The following SDK1 variants were observed in gnomAD, a reference collection of about 807,000 sequenced individuals.
SDK1 encodes the protein protein sidekick-1.
SDK1 carries 157 observed loss-of-function variants against 245.5 expected under a neutral mutation model. That is an observed-to-expected ratio of 0.64 (90% CI 0.56 to 0.73). The LOEUF (loss-of-function observed/expected upper bound fraction) is 0.73, where lower values mean the gene tolerates loss of function less well. Ranked by LOEUF, SDK1 falls within the 30% of genes least tolerant of loss-of-function variation. SDK1 has a pLI of 0.00. For synonymous variants in SDK1, 1,647 were observed against 1,278.5 expected, an observed-to-expected ratio of 1.29 and a Z score of -6.15; for missense variants, 3,583 against 3,002.3, an observed-to-expected ratio of 1.19 and a Z score of -4.52.
chr7:3,372,858 A>C (rs1193030227), intron 1 of SDK1, among the ~76,000 whole-genome samples: 1 of 152,206 alleles, frequency 6.6e-6, no homozygotes. Context: ...AGTTACCTAA[A>C]TTCTCACATT....
At chr7:4,060,098 G>C (rs1357399009) in intron 19 of SDK1, among the ~76,000 whole-genome samples, 2 of 151,998 alleles carry the variant, frequency 1.3e-5, no homozygotes, top group Admixed American at 1.3e-4. Context: ...AGCCAGGATG[G>C]TCTCGATCTC....
At chr7:3,394,598 G>A (rs1781844837) in intron 1 of SDK1, among the ~76,000 whole-genome samples, 1 of 149,312 alleles carries the variant, frequency 6.7e-6, no homozygotes, top group East Asian at 1.9e-4. Flanking sequence ...TGAATGTATA[G>A]ATCAATTTGG....
intron 1 of SDK1, chr7:3,338,105 A>G (rs1238343235): frequency 5.2e-6 from 1 of 192,748 alleles, no homozygotes; most frequent in Non-Finnish European, 1.1e-5. Flanking sequence ...GGAACCAACC[A>G]TCTTCTGTTA....
chr7:4,146,361 C>G (rs1377384729), intron 29 of SDK1, among the ~76,000 whole-genome samples: 1 of 150,476 alleles, frequency 6.6e-6, no homozygotes, highest in Non-Finnish European at 1.5e-5. Flanking sequence ...GCATTCACAC[C>G]TTCTGCCTCA....
intron 1 of SDK1, among the ~76,000 whole-genome samples, chr7:3,576,285 G>A (rs1468750122): frequency 6.6e-6 from 1 of 152,130 alleles, no homozygotes; most frequent in Non-Finnish European, 1.5e-5. Flanking sequence ...TTTACGGAGT[G>A]CTGACAGTGG....
chr7:4,163,391 T>C (rs1268113279), intron 32 of SDK1, among the ~76,000 whole-genome samples: 1 of 152,252 alleles, frequency 6.6e-6, no homozygotes, highest in African/African-American at 2.4e-5. Context: ...GGTCTAGACA[T>C]GGCCTTGGAG....
At chr7:3,974,210 A>T (rs1221269564) in intron 12 of SDK1, among the ~76,000 whole-genome samples, 159 bp from the exon 13 acceptor site, 3 of 151,808 alleles carry the variant, frequency 2.0e-5, no homozygotes, top group Non-Finnish European at 4.4e-5. Flanking sequence ...AGAAAGAAAG[A>T]AAAAGAAAAG....
intron 32 of SDK1, among the ~76,000 whole-genome samples, chr7:4,162,374 T>TATC (rs1781199178): frequency 1.2e-5 from 1 of 86,516 alleles, no homozygotes; most frequent in Non-Finnish European, 2.1e-5. Context: ...TTGTTGTTAT[T>TATC]ATTATTATTA....
chr7:4,153,184 C>T (rs764163172), intron 30 of SDK1, among the ~76,000 whole-genome samples: 2 of 150,158 alleles, frequency 1.3e-5, no homozygotes, highest in African/African-American at 2.4e-5. Context: ...TGGAAAACAG[C>T]AGGGATTCAA....
intron 4 of SDK1, among the ~76,000 whole-genome samples, chr7:3,816,994 A>G (rs984197154): frequency 3.9e-5 from 6 of 152,178 alleles, no homozygotes; most frequent in Admixed American, 3.9e-4. Context: ...ATAGACTCAA[A>G]TTATGCTTCT....
At chr7:3,955,831 C>T (rs1172704919) in intron 7 of SDK1, among the ~76,000 whole-genome samples, 2 of 152,154 alleles carry the variant, frequency 1.3e-5, no homozygotes, top group South Asian at 2.1e-4. Context: ...GTCACACTGG[C>T]ATTTTGGAGA....
At chr7:3,730,285 G>A (rs911547489) in intron 4 of SDK1, among the ~76,000 whole-genome samples, 3 of 152,166 alleles carry the variant, frequency 2.0e-5, no homozygotes, top group African/African-American at 7.2e-5. Flanking sequence ...GAGGTGCTCT[G>A]TTGTGGTTTT....
chr7:4,113,109 A>G (rs1783454953), intron 23 of SDK1, among the ~76,000 whole-genome samples, 180 bp from the exon 24 acceptor site: 2 of 152,114 alleles, frequency 1.3e-5, no homozygotes, highest in South Asian at 2.1e-4. Flanking sequence ...ACACCTGGCC[A>G]CAATTTGCAC....
intron 5 of SDK1, among the ~76,000 whole-genome samples, chr7:3,926,120 C>T (rs1199068846): frequency 6.6e-6 from 1 of 152,108 alleles, no homozygotes; most frequent in African/African-American, 2.4e-5. Flanking sequence ...CTGGATAAAT[C>T]CCTTTTTGTG....
chr7:3,500,860 T>G (rs1303306554), intron 1 of SDK1, among the ~76,000 whole-genome samples: 1 of 152,092 alleles, frequency 6.6e-6, no homozygotes, highest in Non-Finnish European at 1.5e-5. Context: ...TCTGGGAGAT[T>G]TCATTTTCCA....
rs553286603 is a variant in SDK1, at chr7:3,599,917, C to A, written c.299-19163C>A. Among the ~76,000 whole-genome samples, 9 of 152,244 alleles carry A rather than the reference C, an allele frequency of 5.9e-5. No homozygotes were observed. The East Asian group carries it at 9.7e-4, about 16-fold the overall frequency. On this transcript the variant is annotated intron_variant, in intron 1 of 44. Coordinates refer to ENST00000404826, the MANE Select transcript of SDK1 (RefSeq NM_152744.4). ...TAAAATTGTTTTAGATATTCTACTT[C>A]CTTTTTTCATATAAAGCTTAGAATA...
At chr7:4,111,752 A>G (rs889538449) in intron 23 of SDK1, among the ~76,000 whole-genome samples, 11 of 152,248 alleles carry the variant, frequency 7.2e-5, no homozygotes, top group Non-Finnish European at 1.3e-4. Context: ...CCCTGTCTGA[A>G]ACTCAGGTAC....
chr7:3,317,172 C>A (rs1779683841), intron 1 of SDK1, among the ~76,000 whole-genome samples: 1 of 94,698 alleles, frequency 1.1e-5, no homozygotes. Context: ...CAGAGTGAGA[C>A]TCTGTCTCAA....
At chr7:3,734,764 A>G (rs1416913884) in intron 4 of SDK1, among the ~76,000 whole-genome samples, 2 of 152,244 alleles carry the variant, frequency 1.3e-5, no homozygotes, top group Non-Finnish European at 2.9e-5. Flanking sequence ...TCCTCAGTGC[A>G]TAGGACTGGA....
Sources: gnomAD v4.1 joint callset for allele counts (sites outside exome capture counted in the v4.1 genomes callset) on GRCh38, gnomAD v4.1.1 for gene constraint, MANE v1.5 for transcripts, NCBI Gene and HGNC (gene_info 2026-07-23, HGNC 2026-07-21) for gene names.